The following MIER2 variants were observed in gnomAD, a reference collection of about 807,000 sequenced individuals.
The protein encoded by MIER2 is MIER family member 2, also known as mesoderm induction early response protein 2.
MIER2 carries 30 observed loss-of-function variants against 67.6 expected under a neutral mutation model. The observed-to-expected ratio is 0.44, with a 90% CI of 0.33 to 0.60. The LOEUF (loss-of-function observed/expected upper bound fraction) is 0.60, where lower values mean the gene tolerates loss of function less well. MIER2 is among the 20% of genes least tolerant of loss of function. The pLI is 0.02. For missense variants in MIER2, 702 were observed against 745.1 expected, an observed-to-expected ratio of 0.94 and a Z score of 0.67; for synonymous variants, 372 against 312.6, an observed-to-expected ratio of 1.19 and a Z score of -2.00.
rs77028848 is a variant in MIER2, at chr19:308,045, T to C, written c.1199-509A>G. Among the ~76,000 whole-genome samples, 7,346 of 152,128 alleles carry C rather than the reference T, an allele frequency of 0.048. 305 individuals are homozygous for C. Among genetic ancestry groups the C allele is most frequent in the African/African-American group, 0.11 (4,608 of 41,480 alleles). ...TGGGGGACCCTCCCAGACTCAACCA[T>C]CTAAACACAGAGCCAGAAAGCAAAG... On this transcript the variant is annotated intron_variant, in intron 12 of 13. Coordinates refer to ENST00000264819, the MANE Select transcript of MIER2 (RefSeq NM_017550.3). This position sits in a 1 kb window ranked among gnomAD's most constrained non-coding sequence, Gnocchi z 9.1.
chr19:334,350 C>G (rs1972145335), intron 3 of MIER2, 50 bp downstream of exon 3: 1 of 1,609,580 alleles, frequency 6.2e-7, no homozygotes, highest in East Asian at 2.2e-5. Flanking sequence ...ATGAGGCTTA[C>G]CCCGGAGGGC....
chr19:336,124 T>C lies in MIER2; in HGVS notation c.59A>G (p.His20Arg). ...QSPRVVSCLEHSLCPGEPGLQ... is the reference protein window; with the variant it reads ...QSPRVVSCLERSLCPGEPGLQ... Reference sequence around the variant, plus strand: ...GCCCGGCTCCCCTGGGCACAGGCTGTGCTCGAGGCAGGAGACCACGCGAGG... The same window carrying C: ...GCCCGGCTCCCCTGGGCACAGGCTGCGCTCGAGGCAGGAGACCACGCGAGG... The change falls in exon 2 of 14, where the codon CAC becomes CGC. Residue 20 changes from histidine to arginine, a missense_variant. Transcript: ENST00000264819. 6.2e-7 allele frequency: 1 copy of C among 1,613,928 alleles called. No individual in the cohort carries two copies. The highest frequency in any genetic ancestry group is 8.5e-7 in the Non-Finnish European group (1 of 1,179,902).
At chr19:338,121 G>A (rs1316702249) in intron 1 of MIER2, among the ~76,000 whole-genome samples, 5 of 133,492 alleles carry the variant, frequency 3.7e-5, no homozygotes, top group Admixed American at 8.5e-5. Context: ...GCAGTGAGCC[G>A]AGATCGTGCC....
At chr19:331,546 A>G (rs1972025518) in intron 3 of MIER2, among the ~76,000 whole-genome samples, 1 of 151,912 alleles carries the variant, frequency 6.6e-6, no homozygotes, top group Non-Finnish European at 1.5e-5. Context: ...GCGTGCGACT[A>G]TAGTCCCAGT....
Position 317,191 on chromosome 19 carries a change from G to A in MIER2, c.656-3548C>T, listed in dbSNP as rs564734890. 2.1e-3 allele frequency among the ~76,000 whole-genome samples: 322 copies of A among 152,102 alleles called. 1 individual carries two copies. The highest frequency in any genetic ancestry group is 7.3e-3 in the African/African-American group (304 of 41,468). On this transcript the variant is annotated intron_variant, in intron 7 of 13. Coordinates refer to ENST00000264819, the MANE Select transcript of MIER2 (RefSeq NM_017550.3). ...GGGCGGATCACGAGGTCAGGAGATC[G>A]AGACCATCCTGGCCAACATGGAGAC...
chr19:309,501 C>A (rs1970823188), intron 10 of MIER2, among the ~76,000 whole-genome samples: 1 of 152,112 alleles, frequency 6.6e-6, no homozygotes, highest in Non-Finnish European at 1.5e-5. Context: ...TTCTGTGAAC[C>A]CGACAAAATT....
chr19:331,859 T>G (rs566774408), intron 3 of MIER2, among the ~76,000 whole-genome samples: 2 of 151,874 alleles, frequency 1.3e-5, no homozygotes, highest in African/African-American at 4.8e-5. Context: ...CATGCACCTG[T>G]GGTCCCAGCT....
chr19:326,998 A>T, intron 5 of MIER2, 135 bp downstream of exon 5: 1 of 1,274,426 alleles, frequency 7.8e-7, no homozygotes, highest in Non-Finnish European at 1.1e-6. Flanking sequence ...AGGGCTACTG[A>T]CGCTTCCCGC....
chr19:344,309 C>G (rs1972639491), intron 1 of MIER2: 1 of 984,878 alleles, frequency 1.0e-6, no homozygotes, highest in Admixed American at 6.1e-5. Context: ...GTGGGTCCAC[C>G]GGGATCCCGA....
rs142220984 is a variant in MIER2, at chr19:313,510, G to T, written c.789C>A (p.Ala263=). ...CCCCCACCTGCTCACTGTCTTTCAC[G>T]GCTTCTCCCTCTGGGAGCTGAGGCC... The part of the protein sequence containing the change: ...MAGPQLPEGE[A]VKDSEQALYE... Residue 263 remains alanine (A), a synonymous_variant, in exon 8 of 14, where the codon GCC becomes GCA. Coordinates refer to ENST00000264819, the MANE Select transcript of MIER2 (RefSeq NM_017550.3). The T allele has an allele frequency of 1.2e-6, 2 of 1,612,300 alleles. No homozygotes were observed. The highest frequency in any genetic ancestry group is 1.3e-5 in the African/African-American group (1 of 75,028).
chr19:319,054 T>TTAA (rs1971384016), intron 7 of MIER2, among the ~76,000 whole-genome samples: 18 of 39,392 alleles, frequency 4.6e-4, no homozygotes, highest in African/African-American at 2.3e-3. Flanking sequence ...AGACTCTGTC[T>TTAA]CAAAAAAAAA....
chr19:344,335 G>A (rs1001302023), intron 1 of MIER2: 2 of 984,756 alleles, frequency 2.0e-6, no homozygotes, highest in Non-Finnish European at 2.4e-6. Flanking sequence ...AGCGCGGGGC[G>A]CCTGGCGGCC....
In MIER2 at chr19:344,339, G is replaced by A. The variant is rs1422705498; in HGVS notation, c.9+435C>T. 3 of 984,880 alleles carry A rather than the reference G, an allele frequency of 3.0e-6. No individual in the cohort carries two copies. In the East Asian group the frequency reaches 3.4e-4, roughly 112 times the overall value. The allele number at this position is 984,880 out of a possible 1,614,324, so 61.0% of individuals were successfully genotyped here. On this transcript the variant is annotated intron_variant, in intron 1 of 13. Transcript: ENST00000264819. ...TCCCGATGGGGAGCGCGGGGCGCCT[G>A]GCGGCCCCAGCACTCGGCAAAGTTG...
chr19:328,794 T>C (rs1971884908), intron 3 of MIER2, among the ~76,000 whole-genome samples: 1 of 152,100 alleles, frequency 6.6e-6, no homozygotes, highest in South Asian at 2.1e-4. Flanking sequence ...GCTTCATCAA[T>C]ATAATGGAGA....
intron 3 of MIER2, among the ~76,000 whole-genome samples, chr19:331,447 T>A (rs1972020280): frequency 6.6e-6 from 1 of 151,190 alleles, no homozygotes; most frequent in Admixed American, 6.6e-5. Context: ...GTAGAAAAAT[T>A]GCTTGAGGCC....
Position 336,093 on chromosome 19 carries a change from C to A in MIER2, c.90G>T (p.Gln30His). Residue 30 changes from glutamine (Q) to histidine (H), a missense_variant, in exon 2 of 14, where the codon CAG becomes CAT. Transcript: ENST00000264819. ...HSLCPGEPGL[Q>H]TTAVVSMGSG... ...GAGGGAGGAAGGTACCTGCTGTTGT[C>A]TGCAAGCCCGGCTCCCCTGGGCACA... The A allele has an allele frequency of 6.2e-7, 1 of 1,613,812 alleles. No individual in the cohort carries two copies. The highest frequency in any genetic ancestry group is 1.1e-5 in the South Asian group (1 of 91,034).
chr19:320,482 T>A (rs1971456235), intron 7 of MIER2, among the ~76,000 whole-genome samples: 1 of 152,128 alleles, frequency 6.6e-6, no homozygotes, highest in South Asian at 2.1e-4. Context: ...ATTTAAATTT[T>A]AAAAAATGTG....
chr19:319,977 A>G (rs1461463862), intron 7 of MIER2, among the ~76,000 whole-genome samples: 1 of 152,214 alleles, frequency 6.6e-6, no homozygotes, highest in Non-Finnish European at 1.5e-5. Flanking sequence ...GATTTTCATT[A>G]ATCCAGGTGC....
intron 1 of MIER2, among the ~76,000 whole-genome samples, chr19:337,980 T>C (rs1226826192): frequency 6.6e-6 from 1 of 151,252 alleles, no homozygotes; most frequent in Middle Eastern, 3.4e-3. Flanking sequence ...GAGATCATCC[T>C]GGCCAACAAG....
Sources: gnomAD v4.1 joint callset for allele counts (sites outside exome capture counted in the v4.1 genomes callset) on GRCh38, gnomAD v4.1.1 for gene constraint, Gnocchi (gnomAD v3.1) non-coding constraint, MANE v1.5 for transcripts, NCBI Gene and HGNC (gene_info 2026-07-23, HGNC 2026-07-21) for gene names.